COX11: variants seen among roughly 807,000 people sequenced by gnomAD.
The protein encoded by COX11 is cytochrome c oxidase assembly protein COX11, mitochondrial.
COX11 carries 18 observed loss-of-function variants against 29.4 expected under a neutral mutation model. The ratio of observed to expected loss-of-function variants is 0.61; its 90% CI spans 0.42 to 0.91. The LOEUF is 0.91. Among genes scored for constraint, COX11 ranks in the 40% least tolerant of loss-of-function variants. The pLI is 0.00. For synonymous variants in COX11, 131 were observed against 124.0 expected, an observed-to-expected ratio of 1.06 and a Z score of -0.38; for missense variants, 312 against 346.0, an observed-to-expected ratio of 0.90 and a Z score of 0.78.
chr17:54,960,409 C>T (rs987388277), downstream of COX11, among the ~76,000 whole-genome samples: 2 of 152,058 alleles, frequency 1.3e-5, no homozygotes, highest in East Asian at 1.9e-4. Flanking sequence ...TTTAAATAAA[C>T]TAGAATACAC....
At chr17:54,958,748 A>AAAAAAAG (rs372776781), downstream of COX11, among the ~76,000 whole-genome samples, 637 of 118,836 alleles carry the variant, frequency 5.4e-3, 27 homozygotes, top group African/African-American at 0.017. Context: ...AAAAAAAAAA[A>AAAAAAAG]GGGGTTGTTG....
At chr17:54,958,748 A>AAAAAAAAAAAGG (rs372776781), downstream of COX11, among the ~76,000 whole-genome samples, 232 of 118,950 alleles carry the variant, frequency 2.0e-3, 2 homozygotes, top group Non-Finnish European at 3.2e-3. Context: ...AAAAAAAAAA[A>AAAAAAAAAAAGG]GGGGTTGTTG....
downstream of COX11, chr17:54,957,257 GAGC>G (rs1174995791): frequency 1.3e-5 from 2 of 152,150 alleles, no homozygotes; most frequent in Non-Finnish European, 2.9e-5. Flanking sequence ...CTTAATTTAT[GAGC>G]AGATGTTAAG....
chr17:54,965,202 T>C (rs2077197000), intron 1 of COX11, among the ~76,000 whole-genome samples: 1 of 152,262 alleles, frequency 6.6e-6, no homozygotes, highest in Non-Finnish European at 1.5e-5. Flanking sequence ...CCTTTATTGC[T>C]AGTATTTCAT....
rs1402453362 is a variant in COX11, at chr17:54,962,033, T to C, written c.*700A>G. Reference sequence around the variant, plus strand: ...GTCAGTAAATCTTCACAATCCCACCTGTACATTTTAACATTCATGGACTTG... The same window carrying C: ...GTCAGTAAATCTTCACAATCCCACCCGTACATTTTAACATTCATGGACTTG... On this transcript the variant is annotated 3_prime_UTR_variant, in exon 4 of 4. Transcript: ENST00000299335. 5.1e-6 allele frequency: 5 copies of C among 984,760 alleles called. No homozygotes were observed. Among genetic ancestry groups the C allele is most frequent in the African/African-American group, 1.7e-5 (1 of 57,214 alleles). 61.0% of individuals were successfully genotyped at this position (984,760 alleles called of 1,614,324 possible).
intron 1 of COX11, among the ~76,000 whole-genome samples, chr17:54,966,633 G>A (rs569641564): frequency 6.6e-6 from 1 of 152,240 alleles, no homozygotes; most frequent in East Asian, 1.9e-4. Context: ...TGTTCCCTGA[G>A]GGGCAAAAAT....
At chr17:54,968,703 G>T, upstream of COX11, 1 of 1,551,828 alleles carries the variant, frequency 6.4e-7, no homozygotes, top group Non-Finnish European at 8.7e-7. Context: ...AATCTCGCGA[G>T]GCGTGCTCCG....
exon 1 of COX11, chr17:54,952,915 TG>T (rs1488106013): frequency 1.3e-5 from 2 of 152,204 alleles, no homozygotes; most frequent in Non-Finnish European, 2.9e-5. Context: ...ATGGGATGTT[TG>T]GGGAACAGAA....
In COX11 at chr17:54,961,056, A is replaced by G. The variant is rs2144116443; in HGVS notation, c.*1677T>C. 1.6e-6 allele frequency: 1 copy of G among 610,394 alleles called. No homozygotes were observed. Among genetic ancestry groups the G allele is most frequent in the South Asian group, 2.0e-5 (1 of 49,564 alleles). The allele number at this position is 610,394 out of a possible 1,614,324, so 37.8% of individuals were successfully genotyped here. A position where few individuals can be genotyped will look rare whatever the true frequency, so the allele number is the denominator to read the frequency against. ...TGTATTTACTATTTAATGGTCACCA[A>G]TGAACTATCAAAACTTATTTATTCC... On this transcript the variant is annotated 3_prime_UTR_variant, in exon 4 of 4. Transcript: ENST00000299335.
At chr17:54,967,671 G>A (rs956614895) in intron 1 of COX11, among the ~76,000 whole-genome samples, 1 of 149,940 alleles carries the variant, frequency 6.7e-6, no homozygotes, top group African/African-American at 2.5e-5. Flanking sequence ...GTTCCCGGGT[G>A]ATGCTGATGC....
Position 54,962,659 on chromosome 17 carries a change from T to G in COX11, c.*74A>C. ...TAAGCCTTCATATTATTGTACAATA[T>G]TTCTCCTTTGAGAAGATAGGATATA... is the stretch of plus-strand genomic sequence containing the variant. On this transcript the variant is annotated 3_prime_UTR_variant, in exon 4 of 4. Transcript: ENST00000299335. 2.6e-6 allele frequency: 4 copies of G among 1,528,176 alleles called. No homozygotes were observed. The South Asian group carries it at 5.1e-5, about 19-fold the overall frequency. 94.7% of individuals were successfully genotyped at this position (1,528,176 alleles called of 1,614,324 possible).
chr17:54,954,824 G>A (rs968425342), exon 1 of COX11: 1 of 152,130 alleles, frequency 6.6e-6, no homozygotes, highest in Admixed American at 6.5e-5. Context: ...TTTGATAGAG[G>A]GCCATAAAAC....
At chr17:54,959,730 A>G (rs1402529056), downstream of COX11, among the ~76,000 whole-genome samples, 1 of 151,248 alleles carries the variant, frequency 6.6e-6, no homozygotes, top group Non-Finnish European at 1.5e-5. Flanking sequence ...TGATCCTCCG[A>G]CCTCAGCTTC....
At chr17:54,967,031 TGCGCGCGCGC>T (rs34688822) in intron 1 of COX11, among the ~76,000 whole-genome samples, 7 of 90,108 alleles carry the variant, frequency 7.8e-5, no homozygotes, top group Non-Finnish European at 1.8e-4. Context: ...TAAATAAACG[TGCGCGCGCGC>T]GCACACACAC....
chr17:54,966,118 T>TGCCTGAGTGCTG (rs1377562792), intron 1 of COX11, among the ~76,000 whole-genome samples: 2 of 152,218 alleles, frequency 1.3e-5, no homozygotes, highest in Non-Finnish European at 2.9e-5. Flanking sequence ...TTTATCCTTC[T>TGCCTGAGTGCTG]GCCTGAGTGC....
rs539525837 is a variant in COX11 at position 54,963,171 on chromosome 17, T to G, written c.648+135A>C. On this transcript the variant is annotated intron_variant, in intron 3 of 3. Coordinates refer to ENST00000299335, the MANE Select transcript of COX11 (RefSeq NM_004375.5). ...TCAATCTCTGCATAGCAGGTATAGA[T>G]AGTGAAGAAAAATAGCTTGATGTTT... 4 of 985,008 alleles carry G rather than the reference T, an allele frequency of 4.1e-6. No individual in the cohort carries two copies. The African/African-American group carries it at 4.9e-5, about 12-fold the overall frequency. 61.0% of individuals were successfully genotyped at this position (985,008 alleles called of 1,614,324 possible). A position where few individuals can be genotyped will look rare whatever the true frequency, so the allele number is the denominator to read the frequency against.
chr17:54,966,832 G>A (rs148901363), intron 1 of COX11, among the ~76,000 whole-genome samples: 1 of 152,282 alleles, frequency 6.6e-6, no homozygotes, highest in East Asian at 1.9e-4. Flanking sequence ...AGGAGACTAT[G>A]CCAGAAAAGA....
In COX11 at chr17:54,961,882, T is replaced by C; in HGVS notation, c.*851A>G. On this transcript the variant is annotated 3_prime_UTR_variant, in exon 4 of 4. Transcript: ENST00000299335. ...TCTTTTTACTGCAACTTAATATTTCTATTTAGAACACAGAAAATGAAAATA... is the reference window on the plus strand; with the variant it reads ...TCTTTTTACTGCAACTTAATATTTCCATTTAGAACACAGAAAATGAAAATA... The C allele has an allele frequency of 1.1e-6, 1 of 917,302 alleles. No homozygotes were observed. The highest frequency in any genetic ancestry group is 1.2e-4 in the East Asian group (1 of 8,534). 56.8% of individuals were successfully genotyped at this position (917,302 alleles called of 1,614,324 possible).
At chr17:54,956,410 T>C (rs778784711), downstream of COX11, among the ~76,000 whole-genome samples, 7 of 152,098 alleles carry the variant, frequency 4.6e-5, no homozygotes, top group Admixed American at 1.3e-4. Flanking sequence ...GCTCAGGCAA[T>C]TCTCATGCCT....
Sources: allele counts gnomAD v4.1 joint callset (sites outside exome capture counted in the v4.1 genomes callset), GRCh38; gene constraint gnomAD v4.1.1; transcripts MANE v1.5; gene names NCBI Gene and HGNC (gene_info 2026-07-23, HGNC 2026-07-21).